The following PACSIN2 variants were observed in gnomAD, a reference collection of about 807,000 sequenced individuals.
PACSIN2 encodes the protein protein kinase C and casein kinase substrate in neurons protein 2.
In PACSIN2, 25 loss-of-function variants were observed where a neutral mutation model predicts 63.8. The ratio of observed to expected loss-of-function variants is 0.39; its 90% CI spans 0.29 to 0.55. The LOEUF (loss-of-function observed/expected upper bound fraction) is 0.55, where lower values mean the gene tolerates loss of function less well. Ranked by LOEUF, PACSIN2 falls within the 20% of genes least tolerant of loss-of-function variation. The probability of loss-of-function intolerance (pLI) is 0.62; values close to 1 mark genes in which losing one functional copy is unlikely to be tolerated. For missense variants in PACSIN2, 518 were observed against 646.9 expected (o/e 0.80, Z 2.16); for synonymous variants, 255 against 256.2 (o/e 1.00, Z 0.05).
chr22:43,006,906 C>A (rs1031247918), intron 1 of PACSIN2, among the ~76,000 whole-genome samples: 29 of 152,212 alleles, frequency 1.9e-4, no homozygotes, highest in African/African-American at 6.8e-4. Flanking sequence ...TGAGTCAAGG[C>A]TGAGGCCATT....
At chr22:42,977,011 T>G (rs1193169211) in intron 1 of PACSIN2, among the ~76,000 whole-genome samples, 8 of 152,362 alleles carry the variant, frequency 5.3e-5, no homozygotes, top group Non-Finnish European at 1.0e-4. Context: ...AATCTTTTAA[T>G]ACACTACTGT....
chr22:42,882,471 G>A (rs553435353), intron 6 of PACSIN2, among the ~76,000 whole-genome samples, 167 bp from the exon 7 acceptor site: 22 of 152,252 alleles, frequency 1.4e-4, no homozygotes, highest in Non-Finnish European at 2.2e-4. Flanking sequence ...GTCACGGGCC[G>A]CCACGTGCAC....
intron 1 of PACSIN2, among the ~76,000 whole-genome samples, chr22:42,941,795 G>T (rs1011347895): frequency 3.9e-5 from 6 of 152,166 alleles, no homozygotes; most frequent in Admixed American, 3.3e-4. Context: ...TTGAGACAGA[G>T]TCTCACTCTG....
Position 42,870,022 on chromosome 22 carries a change from TCCCCCACGTTCCCCCCA to T in PACSIN2, c.*1318_*1334del, listed in dbSNP as rs1927969301. On this transcript the variant is annotated 3_prime_UTR_variant, in exon 11 of 11. Coordinates refer to ENST00000263246, the MANE Select transcript of PACSIN2 (RefSeq NM_001184970.3). ...CTGCTGAGTCACGTGAAACACAGGT[TCCCCCACGTTCCCCCCA>T]CCCCCGCCGGCCCGCGTGGCCCCCG... 6.6e-6 allele frequency: 1 copy of T among 151,586 alleles called. No individual in the cohort carries two copies. Among genetic ancestry groups the T allele is most frequent in the African/African-American group, 2.4e-5 (1 of 41,190 alleles). 9.4% of individuals were successfully genotyped at this position (151,586 alleles called of 1,614,324 possible).
At chr22:42,895,870 G>GA (rs1316238898) in intron 2 of PACSIN2, among the ~76,000 whole-genome samples, 2 of 152,200 alleles carry the variant, frequency 1.3e-5, no homozygotes, top group African/African-American at 4.8e-5. Context: ...TCCCTTTAAT[G>GA]AAACGGTTGT....
chr22:42,909,657 T>C, intron 2 of PACSIN2: 1 of 462,616 alleles, frequency 2.2e-6, no homozygotes, highest in Non-Finnish European at 4.5e-6. Context: ...CTACTGACAT[T>C]ATTGCAGTTG....
At position 42,888,590 on chromosome 22, in the gene PACSIN2, G is replaced by A. The variant is rs139914288; in HGVS notation, c.609+53C>T. ...TTACAGAAGGCTATATGCCAGACAC[G>A]TCAACAACTGACACGGTGACACTCG... On this transcript the variant is annotated intron_variant, in intron 5 of 10. Coordinates refer to ENST00000263246, the MANE Select transcript of PACSIN2 (RefSeq NM_001184970.3). 5.9e-4 allele frequency: 941 copies of A among 1,585,388 alleles called. 7 individuals are homozygous for A. The East Asian group carries it at 0.017, about 29-fold the overall frequency.
At position 42,892,464 on chromosome 22, in the gene PACSIN2, G is replaced by A. The variant is rs898274825; in HGVS notation, c.217+993C>T. On this transcript the variant is annotated intron_variant, in intron 3 of 10. Coordinates refer to ENST00000263246, the MANE Select transcript of PACSIN2 (RefSeq NM_001184970.3). Reference sequence around the variant, plus strand: ...TTCCTGTCCTGTCCACAACGTTACAGCCAGACCCACAAGGTGAGGGTGGTA... The same window carrying A: ...TTCCTGTCCTGTCCACAACGTTACAACCAGACCCACAAGGTGAGGGTGGTA... Among the ~76,000 whole-genome samples, 6 of 152,312 alleles carry A rather than the reference G, an allele frequency of 3.9e-5. No homozygotes were observed. The East Asian group carries it at 1.2e-3, about 29-fold the overall frequency.
intron 6 of PACSIN2, among the ~76,000 whole-genome samples, chr22:42,882,901 T>C (rs1418199005): frequency 6.6e-6 from 1 of 152,198 alleles, no homozygotes; most frequent in Non-Finnish European, 1.5e-5. Context: ...AGTCATGTAC[T>C]TTCTCTGGGC....
intron 1 of PACSIN2, among the ~76,000 whole-genome samples, chr22:42,921,184 C>T (rs1157610143): frequency 6.6e-6 from 1 of 151,712 alleles, no homozygotes; most frequent in Non-Finnish European, 1.5e-5. Context: ...ACGGTGAAAC[C>T]CTGTCTCTAC....
intron 1 of PACSIN2, chr22:43,002,384 G>T (rs1324282815): frequency 6.6e-6 from 1 of 152,148 alleles, no homozygotes; most frequent in Non-Finnish European, 1.5e-5. Context: ...TTAGCTCCAA[G>T]GATTAATCAT....
At chr22:42,976,317 G>C (rs749147118) in intron 1 of PACSIN2, among the ~76,000 whole-genome samples, 12 of 152,180 alleles carry the variant, frequency 7.9e-5, no homozygotes, top group Non-Finnish European at 1.6e-4. Context: ...ATAGAGCAAG[G>C]CCAGAAGCTA....
intron 1 of PACSIN2, among the ~76,000 whole-genome samples, chr22:42,994,574 C>T (rs892898551): frequency 2.6e-5 from 4 of 152,234 alleles, no homozygotes; most frequent in African/African-American, 4.8e-5. Context: ...GCCAGGGAGG[C>T]GGCCCATGCA....
At chr22:42,964,235 T>G (rs962081354) in intron 1 of PACSIN2, among the ~76,000 whole-genome samples, 2 of 152,038 alleles carry the variant, frequency 1.3e-5, no homozygotes, top group Non-Finnish European at 2.9e-5. Flanking sequence ...CTGGCCAACA[T>G]AGTGAAACCC....
At chr22:42,947,313 T>C (rs559198923) in intron 1 of PACSIN2, among the ~76,000 whole-genome samples, 7 of 152,272 alleles carry the variant, frequency 4.6e-5, no homozygotes, top group South Asian at 2.1e-4. Context: ...AAGAGTATTA[T>C]TGACAACATG....
intron 1 of PACSIN2, among the ~76,000 whole-genome samples, chr22:42,982,888 A>AAAAAAAAAAAAAAAAAAAAAAAACAAC (rs759532303): frequency 2.9e-5 from 3 of 105,150 alleles, no homozygotes; most frequent in Non-Finnish European, 6.3e-5. Context: ...AAAAAAAAAA[A>AAAAAAAAAAAAAAAAAAAAAAAACAAC]AACAACAACA....
At chr22:42,892,400 T>C (rs1328488690) in intron 3 of PACSIN2, among the ~76,000 whole-genome samples, 1 of 152,128 alleles carries the variant, frequency 6.6e-6, no homozygotes, top group East Asian at 1.9e-4. Flanking sequence ...CCCCGGAAGT[T>C]GGACCTCTCT....
chr22:42,987,449 AACACACACACACACACACACACACACAC>A (rs745523623), intron 1 of PACSIN2, among the ~76,000 whole-genome samples: 1 of 87,090 alleles, frequency 1.1e-5, no homozygotes, highest in Non-Finnish European at 2.1e-5. Flanking sequence ...GTCCAGGAGC[AACACACACACACACACACACACACACAC>A]ACACACACAC....
chr22:42,876,838 G>GGA, intron 9 of PACSIN2, 50 bp downstream of exon 9: 1 of 1,599,304 alleles, frequency 6.3e-7, no homozygotes, highest in Non-Finnish European at 8.6e-7. Flanking sequence ...GAGAGAGGAA[G>GGA]AGAGACAGAG....
Sources: allele counts gnomAD v4.1 joint callset (sites outside exome capture counted in the v4.1 genomes callset), GRCh38; gene constraint gnomAD v4.1.1; transcripts MANE v1.5; gene names NCBI Gene and HGNC (gene_info 2026-07-23, HGNC 2026-07-21).